The following PCSK6 variants were observed in gnomAD, a reference collection of about 807,000 sequenced individuals.
PCSK6 encodes the protein proprotein convertase subtilisin/kexin type 6.
PCSK6 carries 85 observed loss-of-function variants against 123.3 expected under a neutral mutation model. The ratio of observed to expected loss-of-function variants is 0.69; its 90% CI spans 0.58 to 0.83. PCSK6 has a LOEUF of 0.83. PCSK6 is among the 40% of genes least tolerant of loss of function. The probability of loss-of-function intolerance (pLI) is 0.00; values close to 1 mark genes in which losing one functional copy is unlikely to be tolerated. For synonymous variants in PCSK6, 508 were observed against 516.0 expected (o/e 0.98, Z 0.21); for missense variants, 1,191 against 1,282.3 (o/e 0.93, Z 1.09).
chr15:101,393,129 C>T (rs945155113), intron 8 of PCSK6, 83 bp downstream of exon 8: 8 of 1,140,950 alleles, frequency 7.0e-6, no homozygotes, highest in Non-Finnish European at 9.1e-6. Flanking sequence ...TCTAAGCCAT[C>T]TTTCTGAGAA....
intron 13 of PCSK6, among the ~76,000 whole-genome samples, chr15:101,363,461 G>A (rs2141445577): frequency 6.6e-6 from 1 of 152,378 alleles, no homozygotes; most frequent in Non-Finnish European, 1.5e-5. Flanking sequence ...CCACGAAGCA[G>A]TGAATGCTTG....
chr15:101,484,744 A>G (rs1471987179), intron 1 of PCSK6, among the ~76,000 whole-genome samples: 1 of 152,162 alleles, frequency 6.6e-6, no homozygotes, highest in Non-Finnish European at 1.5e-5. Context: ...GGACACCTAC[A>G]ATTTGCCTTT....
chr15:101,477,600 T>C (rs1479369204), intron 1 of PCSK6, among the ~76,000 whole-genome samples: 1 of 152,344 alleles, frequency 6.6e-6, no homozygotes, highest in East Asian at 1.9e-4. Context: ...GTGATTTTTA[T>C]GGTTTTCTTG....
rs1447338589 is a variant in PCSK6 at position 101,489,426 on chromosome 15, G to A, written c.245C>T (p.Pro82Leu). The change falls in exon 1 of 22, where the codon CCG becomes CTG. Residue 82 changes from proline (P) to leucine (L), a missense_variant. Pro to Leu is a moderately conservative substitution (Grantham distance 98). Coordinates refer to ENST00000611716, the MANE Select transcript of PCSK6 (RefSeq NM_002570.5). ...NHWAVQVLGG[P>L]AEADRVAAAH... Reference sequence around the variant, plus strand: ...CGCCGCCACGCGGTCCGCCTCGGCCGGGCCGCCCAGCACTTGCACCGCCCA... The same window carrying A: ...CGCCGCCACGCGGTCCGCCTCGGCCAGGCCGCCCAGCACTTGCACCGCCCA... 5.5e-6 allele frequency: 7 copies of A among 1,279,626 alleles called. No individual in the cohort carries two copies. Among genetic ancestry groups the A allele is most frequent in the East Asian group, 9.1e-5 (2 of 21,992 alleles). 79.3% of individuals were successfully genotyped at this position (1,279,626 alleles called of 1,614,324 possible). A position where few individuals can be genotyped will look rare whatever the true frequency, so the allele number is the denominator to read the frequency against.
intron 1 of PCSK6, among the ~76,000 whole-genome samples, chr15:101,451,519 C>T (rs546040500): frequency 3.3e-5 from 5 of 152,188 alleles, no homozygotes; most frequent in Non-Finnish European, 2.9e-5. Flanking sequence ...TTCAAGGCCT[C>T]AGTGATGAAT....
chr15:101,438,130 G>A (rs368504359), intron 2 of PCSK6, among the ~76,000 whole-genome samples: 4 of 152,252 alleles, frequency 2.6e-5, no homozygotes, highest in East Asian at 1.9e-4. Flanking sequence ...GAGACAATAC[G>A]GTTCTGCGGT....
At chr15:101,433,520 T>C (rs2056509656) in intron 2 of PCSK6, among the ~76,000 whole-genome samples, 1 of 152,216 alleles carries the variant, frequency 6.6e-6, no homozygotes, top group Non-Finnish European at 1.5e-5. Context: ...TCGAGGAGTC[T>C]GCACTACATT....
chr15:101,429,824 C>CT (rs1398251817), intron 5 of PCSK6, among the ~76,000 whole-genome samples, 163 bp downstream of exon 5: 5 of 152,234 alleles, frequency 3.3e-5, no homozygotes, highest in Non-Finnish European at 5.9e-5. Flanking sequence ...GCCTGAAGGG[C>CT]TGTGCCTGGC....
chr15:101,397,809 G>T (rs2042458296), intron 7 of PCSK6, among the ~76,000 whole-genome samples: 1 of 152,238 alleles, frequency 6.6e-6, no homozygotes, highest in African/African-American at 2.4e-5. Context: ...CTGGCGGGTG[G>T]CCTCGCAGGA....
At chr15:101,377,439 A>AC (rs1201206585) in intron 11 of PCSK6, among the ~76,000 whole-genome samples, 2 of 152,116 alleles carry the variant, frequency 1.3e-5, no homozygotes, top group Non-Finnish European at 2.9e-5. Context: ...GCCCCACAGC[A>AC]CCCCACCTCT....
intron 17 of PCSK6, among the ~76,000 whole-genome samples, chr15:101,324,225 C>T (rs774814686): frequency 6.6e-6 from 1 of 152,210 alleles, no homozygotes; most frequent in Non-Finnish European, 1.5e-5. Context: ...CTGTGAAATG[C>T]CCGGCAAAGA....
At chr15:101,399,983 T>G (rs969730117) in intron 6 of PCSK6, among the ~76,000 whole-genome samples, 7 of 152,194 alleles carry the variant, frequency 4.6e-5, no homozygotes, top group Non-Finnish European at 8.8e-5. Flanking sequence ...GCCCAAACTT[T>G]GGGAAAAAGA....
intron 1 of PCSK6, among the ~76,000 whole-genome samples, chr15:101,447,911 GCCT>G (rs2056933351): frequency 1.3e-5 from 2 of 152,340 alleles, no homozygotes; most frequent in South Asian, 2.1e-4. Context: ...GGCCCTGGCA[GCCT>G]CCTCCTCCTT....
Position 101,318,414 on chromosome 15 carries a change from C to G in PCSK6, c.2474G>C (p.Arg825Pro). Reference protein sequence around the residue: ...TVCKEGFSLARGSCIPDCEPG... With the variant: ...TVCKEGFSLAPGSCIPDCEPG... ...CTCACAGTCAGGAATGCAGCTGCCC[C>G]GTGCAAGGCTGTTGAAAAGAAAGAG... Residue 825 changes from arginine (R) to proline (P), a missense_variant, in exon 19 of 22, where the codon CGG (arginine) becomes CCG (proline). Physicochemically the swap from Arg to Pro is moderately radical, Grantham distance 103 (BLOSUM62 -2). Transcript: ENST00000611716. The G allele has an allele frequency of 6.4e-7, 1 of 1,557,644 alleles. No homozygotes were observed. The highest frequency in any genetic ancestry group is 8.7e-7 in the Non-Finnish European group (1 of 1,150,518).
chr15:101,320,788 C>T (rs2141351312), intron 18 of PCSK6, among the ~76,000 whole-genome samples: 1 of 152,288 alleles, frequency 6.6e-6, no homozygotes, highest in East Asian at 1.9e-4. Context: ...GAAGTCACAG[C>T]TTAAGAGGAT....
chr15:101,420,445 C>T (rs933161197), intron 6 of PCSK6, among the ~76,000 whole-genome samples: 1 of 152,082 alleles, frequency 6.6e-6, no homozygotes, highest in Admixed American at 6.5e-5. Context: ...ACTGCGGCCT[C>T]GACCTCCTAG....
At position 101,399,300 on chromosome 15, in the gene PCSK6, C is replaced by T. The variant is rs180865884; in HGVS notation, c.824-724G>A. On this transcript the variant is annotated intron_variant, in intron 6 of 21. Transcript: ENST00000611716. ...TCTCTCCTTTATAATTCCACTCCGA[C>T]GTATAACTTATGATGAACCAAATGA... Among the ~76,000 whole-genome samples, 12 of 152,296 alleles carry T rather than the reference C, an allele frequency of 7.9e-5. No homozygotes were observed. In the East Asian group the frequency reaches 1.7e-3, roughly 22 times the overall value.
At chr15:101,371,736 C>T (rs1015596919) in intron 11 of PCSK6, among the ~76,000 whole-genome samples, 1 of 152,226 alleles carries the variant, frequency 6.6e-6, no homozygotes, top group Non-Finnish European at 1.5e-5. Context: ...GCCTCCAGGC[C>T]TCGCTGCCTC....
At chr15:101,470,279 T>G in intron 1 of PCSK6, among the ~76,000 whole-genome samples, 1 of 152,354 alleles carries the variant, frequency 6.6e-6, no homozygotes, top group Middle Eastern at 3.4e-3. Context: ...CAATGACATC[T>G]TATTTATCTG....
Sources: allele counts gnomAD v4.1 joint callset (sites outside exome capture counted in the v4.1 genomes callset), GRCh38; gene constraint gnomAD v4.1.1; transcripts MANE v1.5; gene names NCBI Gene and HGNC (gene_info 2026-07-23, HGNC 2026-07-21).